PRKCZ: variants seen among roughly 807,000 people sequenced by gnomAD.
PRKCZ encodes the protein protein kinase C zeta, also known as protein kinase C zeta type.
In PRKCZ, 33 loss-of-function variants were observed where a neutral mutation model predicts 79.5. The observed-to-expected ratio is 0.41, with a 90% CI of 0.31 to 0.55. PRKCZ has a LOEUF of 0.55. Among genes scored for constraint, PRKCZ ranks in the 20% least tolerant of loss-of-function variants. The pLI, the probability that PRKCZ is intolerant of heterozygous loss-of-function variation, is 0.19. For missense variants in PRKCZ, 578 were observed against 813.5 expected (o/e 0.71, Z 3.52); for synonymous variants, 342 against 320.9 (o/e 1.07, Z -0.70).
intron 4 of PRKCZ, among the ~76,000 whole-genome samples, chr1:2,104,467 C>T (rs922781328): frequency 1.5e-4 from 23 of 152,118 alleles, no homozygotes; most frequent in Admixed American, 1.2e-3. Context: ...ACAGCAGCAT[C>T]GGTCTGCGAG....
chr1:2,167,940 C>T (rs78765534), intron 10 of PRKCZ, among the ~76,000 whole-genome samples: 5,844 of 152,216 alleles, frequency 0.038, 342 homozygotes, highest in African/African-American at 0.13. Context: ...TCTTTCTTAA[C>T]GTTTTCTGAC....
intron 4 of PRKCZ, among the ~76,000 whole-genome samples, chr1:2,124,152 C>T (rs867146129): frequency 5.6e-4 from 3 of 5,388 alleles, no homozygotes; most frequent in Non-Finnish European, 8.7e-4. Flanking sequence ...GTTAGGGTCA[C>T]GGCGGTGGTT....
In PRKCZ at chr1:2,185,175, C is replaced by T. The variant is rs1181374200; in HGVS notation, c.*166C>T. 3 of 730,800 alleles carry T rather than the reference C, an allele frequency of 4.1e-6. No individual in the cohort carries two copies. The highest frequency in any genetic ancestry group is 1.7e-5 in the African/African-American group (1 of 57,710). The allele number at this position is 730,800 out of a possible 1,614,324, so 45.3% of individuals were successfully genotyped here. On this transcript the variant is annotated 3_prime_UTR_variant, in exon 18 of 18. Transcript: ENST00000378567. ...TCAGCGGGCGCTGCTGGGAGCAGAACAGTCCCTCACACCTGGGCCCGGGCA... is the reference window on the plus strand; with the variant it reads ...TCAGCGGGCGCTGCTGGGAGCAGAATAGTCCCTCACACCTGGGCCCGGGCA...
intron 4 of PRKCZ, chr1:2,134,895 A>AGG (rs1675855421): frequency 6.0e-6 from 1 of 166,312 alleles, no homozygotes; most frequent in African/African-American, 2.4e-5. Context: ...CCTGGGGAGG[A>AGG]GGGGGGTGGA....
intron 4 of PRKCZ, among the ~76,000 whole-genome samples, chr1:2,131,937 A>C (rs554050331): frequency 6.6e-6 from 1 of 152,164 alleles, no homozygotes; most frequent in African/African-American, 2.4e-5. Flanking sequence ...TCAGCCTCCC[A>C]AGTAGTTGGG....
In PRKCZ at chr1:2,088,030, G is replaced by A. The variant is rs541607888; in HGVS notation, c.334+28439G>A. ...TGAAGACGGTCTTTGTTTTGATGGCGGCAGAGCCCATCCTGAATAGCGGCT... is the reference window on the plus strand; with the variant it reads ...TGAAGACGGTCTTTGTTTTGATGGCAGCAGAGCCCATCCTGAATAGCGGCT... On this transcript the variant is annotated intron_variant, in intron 4 of 17. Coordinates refer to ENST00000378567, the MANE Select transcript of PRKCZ (RefSeq NM_002744.6). Among the ~76,000 whole-genome samples the A allele has an allele frequency of 9.8e-5, 15 of 152,324 alleles. No individual in the cohort carries two copies. The East Asian group carries it at 2.5e-3, about 25-fold the overall frequency.
At chr1:2,099,168 CCTT>C (rs1206132589) in intron 4 of PRKCZ, among the ~76,000 whole-genome samples, 1 of 152,126 alleles carries the variant, frequency 6.6e-6, no homozygotes, top group Non-Finnish European at 1.5e-5. Flanking sequence ...ACCCGGCACT[CCTT>C]CATCACCATC....
At chr1:2,151,090 G>T in intron 9 of PRKCZ, 112 bp downstream of exon 9, 2 of 1,295,806 alleles carry the variant, frequency 1.5e-6, no homozygotes, top group African/African-American at 1.5e-5. Flanking sequence ...TCACGTTGAC[G>T]GAGTTTGTGC....
chr1:2,106,797 G>A (rs7349113), intron 4 of PRKCZ, among the ~76,000 whole-genome samples: 3,995 of 37,704 alleles, frequency 0.11, 61 homozygotes, highest in East Asian at 0.25. Flanking sequence ...CAGGCCAGGT[G>A]ACTCTTCAGC....
rs569686506 is a variant in PRKCZ, at chr1:2,128,089, C to T, written c.335-7173C>T. Among the ~76,000 whole-genome samples the T allele has an allele frequency of 1.3e-5, 2 of 152,324 alleles. No individual in the cohort carries two copies. The highest frequency in any genetic ancestry group is 2.1e-4 in the South Asian group (1 of 4,828). On this transcript the variant is annotated intron_variant, in intron 4 of 17. Coordinates refer to ENST00000378567, the MANE Select transcript of PRKCZ (RefSeq NM_002744.6). The surrounding 1 kb of genome is among the most constrained non-coding windows in gnomAD (Gnocchi z 6.5). ...TCCGGAGTCTAGAGGTGGCAGCACC[C>T]ATTTTACCTGCACCCTCAGTGACAG...
intron 10 of PRKCZ, among the ~76,000 whole-genome samples, chr1:2,162,044 T>G (rs1175234937): frequency 6.6e-6 from 1 of 152,194 alleles, no homozygotes; most frequent in East Asian, 1.9e-4. Flanking sequence ...CAGACAGTTT[T>G]GCCTCGTTTT....
chr1:2,126,719 T>A (rs2102945915), intron 4 of PRKCZ, among the ~76,000 whole-genome samples: 1 of 152,312 alleles, frequency 6.6e-6, no homozygotes. Flanking sequence ...CGAGGGGACC[T>A]GAGGCTTGGA....
intron 4 of PRKCZ, among the ~76,000 whole-genome samples, chr1:2,118,929 A>G (rs1671305899): frequency 6.6e-6 from 1 of 152,134 alleles, no homozygotes; most frequent in African/African-American, 2.4e-5. Context: ...TTTACATTTA[A>G]TGTCATTCTG....
In PRKCZ at chr1:2,104,925, T is replaced by G. The variant is rs115451023; in HGVS notation, c.335-30337T>G. ...GTAGCCTTTATTCTTCACACCTCAT[T>G]ACACAGCACCCAGGCCTTTTATTCA... On this transcript the variant is annotated intron_variant, in intron 4 of 17. Transcript: ENST00000378567. 573 of 985,308 alleles carry G rather than the reference T, an allele frequency of 5.8e-4. 2 individuals are homozygous for G. The African/African-American group carries it at 9.3e-3, about 16-fold the overall frequency. The allele number at this position is 985,308 out of a possible 1,614,324, so 61.0% of individuals were successfully genotyped here.
intron 4 of PRKCZ, among the ~76,000 whole-genome samples, chr1:2,065,780 T>C (rs1363354734): frequency 6.6e-6 from 1 of 152,046 alleles, no homozygotes; most frequent in African/African-American, 2.4e-5. Context: ...GAGTGTGATG[T>C]CTGCTGTGGG....
At position 2,125,850 on chromosome 1, in the gene PRKCZ, G is replaced by A. The variant is rs952603889; in HGVS notation, c.335-9412G>A. Among the ~76,000 whole-genome samples, 2 of 152,172 alleles carry A rather than the reference G, an allele frequency of 1.3e-5. No individual in the cohort carries two copies. Among genetic ancestry groups the A allele is most frequent in the Admixed American group, 6.5e-5 (1 of 15,286 alleles). ...TCCTCACGTCCATGCGGGGATTTGC[G>A]CCCTGGAAGGAGCCGCCCGGCTGCC... On this transcript the variant is annotated intron_variant, in intron 4 of 17. Transcript: ENST00000378567. The surrounding 1 kb of genome is among the most constrained non-coding windows in gnomAD (Gnocchi z 4.2).
In PRKCZ at chr1:2,102,534, G is replaced by A. The variant is rs529303562; in HGVS notation, c.335-32728G>A. ...TTTTTAGTAGAGATGGGGTTTCACT[G>A]TGTTAGCCGGGATGGTCTCGATCTC... On this transcript the variant is annotated intron_variant, in intron 4 of 17. Coordinates refer to ENST00000378567, the MANE Select transcript of PRKCZ (RefSeq NM_002744.6). 5.6e-4 allele frequency among the ~76,000 whole-genome samples: 85 copies of A among 151,930 alleles called. No homozygotes were observed. The South Asian group carries it at 0.01, about 18-fold the overall frequency.
At chr1:2,074,298 A>T in intron 4 of PRKCZ, 1 of 1,547,240 alleles carries the variant, frequency 6.5e-7, no homozygotes, top group Non-Finnish European at 8.7e-7. Flanking sequence ...GGCCTGGTGG[A>T]TGTGTGGCGG....
chr1:2,160,179 T>G (rs1681930213), intron 10 of PRKCZ, among the ~76,000 whole-genome samples: 1 of 152,142 alleles, frequency 6.6e-6, no homozygotes, highest in Non-Finnish European at 1.5e-5. Context: ...GACACTTGAG[T>G]AAGCTCTTCT....
Sources: allele counts gnomAD v4.1 joint callset (sites outside exome capture counted in the v4.1 genomes callset), GRCh38; gene constraint gnomAD v4.1.1; non-coding constraint Gnocchi (gnomAD v3.1); transcripts MANE v1.5; gene names NCBI Gene and HGNC (gene_info 2026-07-23, HGNC 2026-07-21).